The following FLG variants were observed in gnomAD, a reference collection of about 807,000 sequenced individuals.
The protein encoded by FLG is epidermal filaggrin.
Under a neutral mutation model 3.8 loss-of-function variants are expected in FLG, and 6 were observed. That is an observed-to-expected ratio of 1.60 (90% CI 0.87 to 3.15). The LOEUF (loss-of-function observed/expected upper bound fraction) is 3.15, where lower values mean the gene tolerates loss of function less well. FLG is among the 30% of genes most tolerant of loss of function. The pLI is 0.00. For missense variants in FLG, 7,595 were observed against 5,050.9 expected (o/e 1.50, Z -15.27); for synonymous variants, 2,551 against 1,931.6 (o/e 1.32, Z -8.41).
Position 152,314,418 on chromosome 1 carries a change from A to C in FLG, c.468T>G (p.Ser156=). The C allele has an allele frequency of 1.2e-6, 2 of 1,612,548 alleles. No homozygotes were observed. Among genetic ancestry groups the C allele is most frequent in the Non-Finnish European group, 1.7e-6 (2 of 1,179,746 alleles). ...AATATCCTTTTCTTTCTTTTTTTTC[A>C]GAACTAGATTCATGCCTTTTCCCCC... is the stretch of plus-strand genomic sequence containing the variant. ...ETGGKRHESS[S]EKKERKGYSP... is the part of the protein sequence containing the mutation. Residue 156 remains serine (S), a synonymous_variant, in exon 3 of 3, where the codon TCT becomes TCG. Transcript: ENST00000368799.
At position 152,309,050 on chromosome 1, in the gene FLG, C is replaced by G; in HGVS notation, c.5836G>C (p.Ala1946Pro). ...GSASRNHLGSAWEQSRDGSRH... is the reference protein window; with the variant it reads ...GSASRNHLGSPWEQSRDGSRH... ...GAGCCATCTCTTGACTGCTCCCAAGCAGATCCAAGATGGTTTCTGGAAGCA... is the reference window on the plus strand; with the variant it reads ...GAGCCATCTCTTGACTGCTCCCAAGGAGATCCAAGATGGTTTCTGGAAGCA... Residue 1946 changes from alanine (A) to proline (P), a missense_variant, in exon 3 of 3, where the codon GCT becomes CCT. Transcript: ENST00000368799. The G allele has an allele frequency of 1.2e-6, 2 of 1,614,182 alleles. No homozygotes were observed. Among genetic ancestry groups the G allele is most frequent in the African/African-American group, 1.3e-5 (1 of 75,052 alleles).
Position 152,305,596 on chromosome 1 carries a change from C to G in FLG, c.9290G>C (p.Ser3097Thr). Residue 3097 changes from serine (S) to threonine (T), a missense_variant, in exon 3 of 3, where the codon AGC becomes ACC. Ser to Thr is a moderately conservative substitution (Grantham distance 58, BLOSUM62 1). Transcript: ENST00000368799. ...QGSRHEQAQD[S>T]SRHSASQYGQ... is the part of the protein sequence containing the mutation. ...GTATTGGGATGCTGAGTGCCTGGAG[C>G]TGTCTTGTGCCTGCTCATGGCGGGA... The G allele has an allele frequency of 6.7e-7, 1 of 1,501,864 alleles. No homozygotes were observed. Among genetic ancestry groups the G allele is most frequent in the Non-Finnish European group, 8.9e-7 (1 of 1,129,842 alleles). The allele number at this position is 1,501,864 out of a possible 1,614,324, so 93.0% of individuals were successfully genotyped here. A position where few individuals can be genotyped will look rare whatever the true frequency, so the allele number is the denominator to read the frequency against.
Position 152,309,875 on chromosome 1 carries a change from C to G in FLG, c.5011G>C (p.Glu1671Gln), listed in dbSNP as rs1652267618. The change falls in exon 3 of 3, where the codon GAA becomes CAA. Residue 1671 changes from glutamate to glutamine, a missense_variant. Physicochemically the swap from Glu to Gln is conservative, Grantham distance 29. Coordinates refer to ENST00000368799, the MANE Select transcript of FLG (RefSeq NM_002016.2). ...TCTCCTGGACTTGACCTTGCCTGTT[C>G]CTGGGATGATGCAGCCTGTCCACCA... ...SSGGQAASSQ[E>Q]QARSSPGERH... 6.2e-7 allele frequency: 1 copy of G among 1,613,948 alleles called. No individual in the cohort carries two copies. The highest frequency in any genetic ancestry group is 8.5e-7 in the Non-Finnish European group (1 of 1,180,034).
rs759456220 is a variant in FLG at position 152,302,913 on chromosome 1, A to T, written c.11973T>A (p.Phe3991Leu). Reference sequence around the variant, plus strand: ...TAACACTTCCGTGCTGAGAGTGTCTAAACCCGGATTCACCATAATCATAAT... The same window carrying T: ...TAACACTTCCGTGCTGAGAGTGTCTTAACCCGGATTCACCATAATCATAAT... ...SADYDYGESG[F>L]RHSQHGSVSY... Residue 3991 changes from phenylalanine to leucine, a missense_variant, in exon 3 of 3, where the codon TTT becomes TTA. Coordinates refer to ENST00000368799, the MANE Select transcript of FLG (RefSeq NM_002016.2). The T allele has an allele frequency of 8.1e-6, 13 of 1,614,082 alleles. No homozygotes were observed. Among genetic ancestry groups the T allele is most frequent in the African/African-American group, 5.3e-5 (4 of 74,926 alleles).
In FLG at chr1:152,308,405, A is replaced by G. The variant is rs1007374377; in HGVS notation, c.6481T>C (p.Ser2161Pro). The G allele has an allele frequency of 4.3e-6, 7 of 1,611,014 alleles. No individual in the cohort carries two copies. Among genetic ancestry groups the G allele is most frequent in the African/African-American group, 1.3e-5 (1 of 74,118 alleles). Reference protein sequence around the residue: ...GSHQEQSVDRSGHSGSHHSHT... With the variant: ...GSHQEQSVDRPGHSGSHHSHT... ...CTGTGATGAGACCCTGAGTGTCCAGACCTATCTACCGATTGCTCTTGGTGG... is the reference window on the plus strand; with the variant it reads ...CTGTGATGAGACCCTGAGTGTCCAGGCCTATCTACCGATTGCTCTTGGTGG... Residue 2161 changes from serine (S) to proline (P), a missense_variant, in exon 3 of 3, where the codon TCT becomes CCT. Ser to Pro is a moderately conservative substitution (Grantham distance 74). Transcript: ENST00000368799.
chr1:152,309,994 C>T lies in FLG; in HGVS notation c.4892G>A (p.Arg1631Lys), dbSNP rs1652278110. 1.2e-6 allele frequency: 2 copies of T among 1,613,990 alleles called. No individual in the cohort carries two copies. The highest frequency in any genetic ancestry group is 1.7e-6 in the Non-Finnish European group (2 of 1,180,014). Reference protein sequence around the residue: ...SAREQSRHGSRNPRSHQEDRA... With the variant: ...SAREQSRHGSKNPRSHQEDRA... ...ATCTTCTTGATGGGACCTGGGGTTC[C>T]TGGAGCCATGTCTTGACTGCTCCCG... Residue 1631 changes from arginine to lysine, a missense_variant, in exon 3 of 3, where the codon AGG (arginine) becomes AAG (lysine). Arg to Lys is a conservative substitution (Grantham distance 26, BLOSUM62 2). Coordinates refer to ENST00000368799, the MANE Select transcript of FLG (RefSeq NM_002016.2).
Position 152,313,331 on chromosome 1 carries a change from G to A in FLG, c.1555C>T (p.His519Tyr). 6.2e-7 allele frequency: 1 copy of A among 1,613,592 alleles called. No individual in the cohort carries two copies. The highest frequency in any genetic ancestry group is 2.2e-5 in the East Asian group (1 of 44,792). ...CTTCCTCCTCTGCTTGACCCCGGGT[G>A]TCCACGAATGGTGTCCTGACCCTCT... ...SQEGQDTIRG[H>Y]PGSSRGGRQG... The change falls in exon 3 of 3, where the codon CAC (histidine) becomes TAC (tyrosine). Residue 519 changes from histidine (H) to tyrosine (Y), a missense_variant. Physicochemically the swap from His to Tyr is moderately conservative, Grantham distance 83. Transcript: ENST00000368799.
chr1:152,303,148 A>G lies in FLG; in HGVS notation c.11738T>C (p.Val3913Ala), dbSNP rs769558804. 1.1e-5 allele frequency: 18 copies of G among 1,614,094 alleles called. No individual in the cohort carries two copies. The highest frequency in any genetic ancestry group is 1.5e-5 in the Non-Finnish European group (18 of 1,180,048). The change falls in exon 3 of 3, where the codon GTA becomes GCA. Residue 3913 changes from valine to alanine, a missense_variant. By Grantham distance (64) the Val-to-Ala change is moderately conservative. Transcript: ENST00000368799. ...GSSHRDTASH[V>A]QSSPVQSDSS... Reference sequence around the variant, plus strand: ...GTCTGACTGTACAGGTGAAGACTGTACATGACTGGCTGTATCGCGGTGAGA... The same window carrying G: ...GTCTGACTGTACAGGTGAAGACTGTGCATGACTGGCTGTATCGCGGTGAGA...
Position 152,308,066 on chromosome 1 carries a change from G to T in FLG, c.6820C>A (p.Gln2274Lys), listed in dbSNP as rs189813575. The change falls in exon 3 of 3, where the codon CAG (glutamine) becomes AAG (lysine). Residue 2274 changes from glutamine to lysine, a missense_variant. Physicochemically the swap from Gln to Lys is moderately conservative, Grantham distance 53. Coordinates refer to ENST00000368799, the MANE Select transcript of FLG (RefSeq NM_002016.2). ...SRNHHGSAQE[Q>K]SRDGSRHPRS... Reference sequence around the variant, plus strand: ...GGGTGTCTGGAGCCATCTCTTGACTGCTCCTGAGCAGATCCATGATGGTTT... The same window carrying T: ...GGGTGTCTGGAGCCATCTCTTGACTTCTCCTGAGCAGATCCATGATGGTTT... 1 of 1,614,120 alleles carries T rather than the reference G, an allele frequency of 6.2e-7. No homozygotes were observed. Among genetic ancestry groups the T allele is most frequent in the African/African-American group, 1.3e-5 (1 of 75,004 alleles).
chr1:152,313,972 C>G lies in FLG; in HGVS notation c.914G>C (p.Gly305Ala), dbSNP rs780339198. 1 of 1,614,186 alleles carries G rather than the reference C, an allele frequency of 6.2e-7. No individual in the cohort carries two copies. The highest frequency in any genetic ancestry group is 1.1e-5 in the South Asian group (1 of 91,086). The change falls in exon 3 of 3, where the codon GGA (glycine) becomes GCA (alanine). Residue 305 changes from glycine (G) to alanine (A), a missense_variant. Coordinates refer to ENST00000368799, the MANE Select transcript of FLG (RefSeq NM_002016.2). The part of the protein sequence containing the change: ...SRVSQDRDSE[G>A]HSEDSERHSG... ...GTGCCTCTCAGAGTCTTCTGAGTGT[C>G]CCTCACTGTCCCTGTCCTGGCTAAC...
In FLG at chr1:152,305,580, T is replaced by A. The variant is rs537672532; in HGVS notation, c.9306A>T (p.Ala3102=). The A allele has an allele frequency of 1.8e-5, 27 of 1,501,996 alleles. 2 individuals carry two copies. In the East Asian group the frequency reaches 3.1e-4, roughly 17 times the overall value. The allele number at this position is 1,501,996 out of a possible 1,614,324, so 93.0% of individuals were successfully genotyped here. The change falls in exon 3 of 3, where the codon GCA becomes GCT. Residue 3102 remains alanine (A), a synonymous_variant. Transcript: ENST00000368799. The part of the protein sequence containing the change: ...EQAQDSSRHS[A]SQYGQDTIRG... The stretch of plus-strand genomic sequence containing the variant: ...GAATGGTGTCCTGACCGTATTGGGA[T>A]GCTGAGTGCCTGGAGCTGTCTTGTG...
chr1:152,302,749 G>T lies in FLG; in HGVS notation c.12137C>A (p.Ser4046Ter). ...TGACTGACTAAATCCCAGTTGTTTC[G>T]ATATATCACTAGAATGGCCACATAA... ...PGLCGHSSDI[S>*]KQLGFSQSQR... Residue 4046 changes from serine (S) to a stop codon, truncating the protein, a stop_gained, in exon 3 of 3, where the codon TCG (serine) becomes TAG (stop). Transcript: ENST00000368799. LOFTEE classifies it low-confidence loss of function (END_TRUNC). The T allele has an allele frequency of 6.2e-7, 1 of 1,613,896 alleles. No individual in the cohort carries two copies. Among genetic ancestry groups the T allele is most frequent in the Non-Finnish European group, 8.5e-7 (1 of 1,179,944 alleles).
In FLG at chr1:152,307,422, T is replaced by C; in HGVS notation, c.7464A>G (p.Ser2488=). The C allele has an allele frequency of 6.2e-7, 1 of 1,613,316 alleles. No individual in the cohort carries two copies. The highest frequency in any genetic ancestry group is 8.5e-7 in the Non-Finnish European group (1 of 1,179,738). ...ATGTGGTGTGGCTGTGATGAGACCC[T>C]GAGTGTCCAGATCTATCTACCAATT... ...YEQLVDRSGH[S]GSHHSHTTSQ... The change falls in exon 3 of 3, where the codon TCA becomes TCG. Residue 2488 remains serine (S), a synonymous_variant. Transcript: ENST00000368799.
Position 152,313,645 on chromosome 1 carries a change from T to A in FLG, c.1241A>T (p.His414Leu), listed in dbSNP as rs1253245831. 2 of 1,613,702 alleles carry A rather than the reference T, an allele frequency of 1.2e-6. No individual in the cohort carries two copies. Among genetic ancestry groups the A allele is most frequent in the African/African-American group, 2.7e-5 (2 of 74,792 alleles). ...QASSAVSDRG[H>L]RGSSGSQASD... The stretch of plus-strand genomic sequence containing the variant: ...GGCCTGACTACCGCTAGACCCCCGG[T>A]GTCCACGATCGCTGACTGCAGATGA... The change falls in exon 3 of 3, where the codon CAC becomes CTC. Residue 414 changes from histidine to leucine, a missense_variant. Physicochemically the swap from His to Leu is moderately conservative, Grantham distance 99. Transcript: ENST00000368799.
At position 152,314,562 on chromosome 1, in the gene FLG, A is replaced by G; in HGVS notation, c.324T>C (p.Asp108=). 6.2e-7 allele frequency: 1 copy of G among 1,613,474 alleles called. No homozygotes were observed. ...CTTCCTGTTTATTATCTTCATGTTT[A>G]TCATGATGACTGTGCTTTCTGTGCT... ...GHKHRKHSHH[D]KHEDNKQEEN... is the part of the protein sequence containing the mutation. Residue 108 remains aspartate (D), a synonymous_variant, in exon 3 of 3, where the codon GAT becomes GAC. Transcript: ENST00000368799.
Position 152,313,328 on chromosome 1 carries a change from G to C in FLG, c.1558C>G (p.Pro520Ala). ...TGCCTTCCTCCTCTGCTTGACCCCG[G>C]GTGTCCACGAATGGTGTCCTGACCC... is the stretch of plus-strand genomic sequence containing the variant. ...QEGQDTIRGH[P>A]GSSRGGRQGS... Residue 520 changes from proline to alanine, a missense_variant, in exon 3 of 3, where the codon CCG becomes GCG. By Grantham distance (27) the Pro-to-Ala change is conservative (BLOSUM62 -1). Transcript: ENST00000368799. 6.2e-7 allele frequency: 1 copy of C among 1,613,410 alleles called. No homozygotes were observed.
chr1:152,309,165 C>A lies in FLG; in HGVS notation c.5721G>T (p.Gly1907=), dbSNP rs779700276. 1.2e-6 allele frequency: 2 copies of A among 1,613,506 alleles called. No individual in the cohort carries two copies. The highest frequency in any genetic ancestry group is 1.3e-5 in the African/African-American group (1 of 74,954). The change falls in exon 3 of 3, where the codon GGG becomes GGT. Residue 1907 remains glycine (G), a synonymous_variant. Coordinates refer to ENST00000368799, the MANE Select transcript of FLG (RefSeq NM_002016.2). The part of the protein sequence containing the change: ...HSQVGQGQSS[G]PRTSRNQGSS... Reference sequence around the variant, plus strand: ...ATCCCTGGTTCCTGCTTGTCCTGGGCCCTGATGATTGTCCCTGGCCCACCT... The same window carrying A: ...ATCCCTGGTTCCTGCTTGTCCTGGGACCTGATGATTGTCCCTGGCCCACCT...
rs143382793 is a variant in FLG, at chr1:152,312,100, C to A, written c.2786G>T (p.Gly929Val). 2.2e-3 allele frequency: 3,371 copies of A among 1,508,672 alleles called. 1 individual carries two copies. In the African/African-American group the frequency reaches 0.059, roughly 26 times the overall value. The allele number at this position is 1,508,672 out of a possible 1,614,324, so 93.5% of individuals were successfully genotyped here. ...HADISRHSQAGQGQSEGSRTS... is the reference protein window; with the variant it reads ...HADISRHSQAVQGQSEGSRTS... ...CCTGGACCCCTCTGATTGTCCCTGG[C>A]CTGCCTGTGAGTGTCTAGAGATGTC... is the stretch of plus-strand genomic sequence containing the variant. The change falls in exon 3 of 3, where the codon GGC becomes GTC. Residue 929 changes from glycine to valine, a missense_variant. Transcript: ENST00000368799.
rs369860969 is a variant in FLG at position 152,311,139 on chromosome 1, G to A, written c.3747C>T (p.His1249=). The A allele has an allele frequency of 1.2e-6, 2 of 1,613,920 alleles. No homozygotes were observed. Among genetic ancestry groups the A allele is most frequent in the Non-Finnish European group, 1.7e-6 (2 of 1,180,004 alleles). ...EAASWADSSR[H]SQVGQEQSSG... is the part of the protein sequence containing the mutation. ...ATGATTGTTCCTGTCCCACCTGTGA[G>A]TGTCTAGAGCTGTCAGCCCAAGAGG... Residue 1249 remains histidine, a synonymous_variant, in exon 3 of 3, where the codon CAC becomes CAT. Transcript: ENST00000368799.
Sources: allele counts gnomAD v4.1 joint callset, GRCh38; gene constraint gnomAD v4.1.1; transcripts MANE v1.5; gene names NCBI Gene and HGNC (gene_info 2026-07-23, HGNC 2026-07-21).